CACNA2D1: variants seen among roughly 807,000 people sequenced by gnomAD.
The protein encoded by CACNA2D1 is calcium voltage-gated channel auxiliary subunit alpha2delta 1.
A neutral mutation model predicts 171.5 loss-of-function variants in CACNA2D1; 53 were observed. That is an observed-to-expected ratio of 0.31 (90% CI 0.25 to 0.39). The LOEUF is 0.39. CACNA2D1 is among the 10% of genes least tolerant of loss of function. The pLI is 1.00. For missense variants in CACNA2D1, 903 were observed against 1,299.8 expected (o/e 0.69, Z 4.69); for synonymous variants, 442 against 443.1 (o/e 1.00, Z 0.03).
chr7:82,348,687 T>C (rs1395305999), intron 2 of CACNA2D1, among the ~76,000 whole-genome samples: 4 of 152,158 alleles, frequency 2.6e-5, no homozygotes, highest in African/African-American at 9.7e-5. Flanking sequence ...AACCACACAT[T>C]CCAGTTTCTC....
At chr7:82,344,509 G>A (rs989750133) in intron 2 of CACNA2D1, among the ~76,000 whole-genome samples, 10 of 152,244 alleles carry the variant, frequency 6.6e-5, no homozygotes, top group Admixed American at 6.5e-4. Context: ...AATATTGAAA[G>A]TCACCCTAAA....
chr7:82,057,273 C>T (rs948655703), intron 10 of CACNA2D1, among the ~76,000 whole-genome samples: 3 of 152,122 alleles, frequency 2.0e-5, no homozygotes, highest in African/African-American at 7.2e-5. Context: ...CCTCCACCCC[C>T]CTGGCTTTGC....
chr7:82,104,710 T>C (rs977462591), intron 6 of CACNA2D1, among the ~76,000 whole-genome samples: 7 of 152,044 alleles, frequency 4.6e-5, no homozygotes, highest in Non-Finnish European at 8.8e-5. Flanking sequence ...CACAACATCC[T>C]TTAAAAAATA....
At chr7:82,224,767 T>C (rs761676308) in intron 3 of CACNA2D1, among the ~76,000 whole-genome samples, 2 of 152,146 alleles carry the variant, frequency 1.3e-5, no homozygotes, top group Non-Finnish European at 2.9e-5. Context: ...ACATAGCATC[T>C]GGGTCTTCCC....
Position 82,392,132 on chromosome 7 carries a change from T to G in CACNA2D1, c.96-42483A>C, listed in dbSNP as rs562540895. Among the ~76,000 whole-genome samples, 12 of 152,320 alleles carry G rather than the reference T, an allele frequency of 7.9e-5. No individual in the cohort carries two copies. In the South Asian group the frequency reaches 2.5e-3, roughly 32 times the overall value. ...ATGTGGCACACTTTCCTCTGATTGA[T>G]CCTTACCCTTCACTTAGTTTACATA... On this transcript the variant is annotated intron_variant, in intron 1 of 38. Transcript: ENST00000356860.
At chr7:82,241,651 G>C (rs138025962) in intron 3 of CACNA2D1, among the ~76,000 whole-genome samples, 5 of 151,994 alleles carry the variant, frequency 3.3e-5, no homozygotes, top group Non-Finnish European at 5.9e-5. Flanking sequence ...AGAAGCAGAG[G>C]GGGGAGGAAG....
rs761139883 is a variant in CACNA2D1, at chr7:82,032,818, G to C, written c.1122C>G (p.Asn374Lys). 1.6e-5 allele frequency: 25 copies of C among 1,551,568 alleles called. No homozygotes were observed. The highest frequency in any genetic ancestry group is 2.2e-5 in the Non-Finnish European group (25 of 1,126,428). The stretch of plus-strand genomic sequence containing the variant: ...TCACTTTTTTATCTTTATTGTATTT[G>C]TTAAATATCTCCTGGGCTCTCTCTT... The part of the protein sequence containing the change: ...GGEERAQEIF[N>K]KYNKDKKVRV... Residue 374 changes from asparagine to lysine, a missense_variant, in exon 12 of 39, where the codon AAC becomes AAG. Asn to Lys is a moderately conservative substitution (Grantham distance 94). Around this residue, in one of 5 missense-constraint regions of CACNA2D1, gnomAD observed 623 missense variants for 925.5 expected, o/e 0.67. Transcript: ENST00000356860.
At chr7:82,136,314 G>A (rs1439850876) in intron 5 of CACNA2D1, among the ~76,000 whole-genome samples, 2 of 152,086 alleles carry the variant, frequency 1.3e-5, no homozygotes, top group Non-Finnish European at 2.9e-5. Context: ...GGATACAGAA[G>A]TAGATGGGAT....
intron 1 of CACNA2D1, among the ~76,000 whole-genome samples, chr7:82,385,149 G>T (rs1426446191): frequency 6.6e-6 from 1 of 152,162 alleles, no homozygotes; most frequent in East Asian, 1.9e-4. Context: ...GGAGGAGCAC[G>T]ATTGTATGTT....
chr7:82,400,310 G>A (rs36144197), intron 1 of CACNA2D1, among the ~76,000 whole-genome samples: 6 of 150,862 alleles, frequency 4.0e-5, no homozygotes, highest in East Asian at 1.9e-4. Flanking sequence ...CCATTTTCAC[G>A]ATATTGATTC....
intron 3 of CACNA2D1, among the ~76,000 whole-genome samples, chr7:82,215,380 G>T (rs1193356171): frequency 6.6e-6 from 1 of 152,138 alleles, no homozygotes; most frequent in African/African-American, 2.4e-5. Context: ...CTCAGTCATT[G>T]GCTTTCTGTG....
Position 82,219,347 on chromosome 7 carries a change from A to T in CACNA2D1, c.295-48738T>A, listed in dbSNP as rs1038076012. On this transcript the variant is annotated intron_variant, in intron 3 of 38. Transcript: ENST00000356860. ...ATTTTCTAAACTTGGAAATAAGCATAATTGGTTCTACATAATTTTTTTTCA... is the reference window on the plus strand; with the variant it reads ...ATTTTCTAAACTTGGAAATAAGCATTATTGGTTCTACATAATTTTTTTTCA... Among the ~76,000 whole-genome samples, 8 of 152,264 alleles carry T rather than the reference A, an allele frequency of 5.3e-5. No individual in the cohort carries two copies. The South Asian group carries it at 6.2e-4, about 12-fold the overall frequency.
At chr7:82,185,565 G>C (rs1378388596) in intron 3 of CACNA2D1, among the ~76,000 whole-genome samples, 1 of 111,474 alleles carries the variant, frequency 9.0e-6, no homozygotes, top group East Asian at 3.1e-4. Flanking sequence ...AGGGGGAGGG[G>C]GAGGAGAAGA....
At chr7:82,105,976 T>A (rs1208551044) in intron 6 of CACNA2D1, among the ~76,000 whole-genome samples, 3 of 152,180 alleles carry the variant, frequency 2.0e-5, no homozygotes, top group Non-Finnish European at 4.4e-5. Flanking sequence ...AGTATTTTTT[T>A]AAAATAACAT....
At chr7:82,301,730 TAC>T (rs4018910) in intron 3 of CACNA2D1, among the ~76,000 whole-genome samples, 25,296 of 141,964 alleles carry the variant, frequency 0.18, 2,120 homozygotes, top group Middle Eastern at 0.22. Flanking sequence ...TGGTAAATAA[TAC>T]ACACACACAC....
Position 82,402,363 on chromosome 7 carries a change from T to C in CACNA2D1, c.95+41002A>G, listed in dbSNP as rs148567390. 7.7e-3 allele frequency among the ~76,000 whole-genome samples: 1,169 copies of C among 152,266 alleles called. 18 individuals are homozygous for C. The highest frequency in any genetic ancestry group is 0.024 in the African/African-American group (996 of 41,546). On this transcript the variant is annotated intron_variant, in intron 1 of 38. Coordinates refer to ENST00000356860, the MANE Select transcript of CACNA2D1 (RefSeq NM_000722.4). ...TCTGTGGGCTTATTAATATTATTCC[T>C]ATTTTTAAAATAAGAGCAAGACCAG...
At chr7:82,153,196 ATAAC>A (rs1246584207) in intron 4 of CACNA2D1, among the ~76,000 whole-genome samples, 4 of 151,642 alleles carry the variant, frequency 2.6e-5, no homozygotes, top group African/African-American at 9.7e-5. Context: ...TGATCCTTAA[ATAAC>A]TGTTTTCCTT....
At chr7:82,011,982 G>A (rs901117606) in intron 15 of CACNA2D1, 172 bp downstream of exon 15, 13 of 623,574 alleles carry the variant, frequency 2.1e-5, no homozygotes, top group Admixed American at 2.5e-5. Flanking sequence ...TACTACATAC[G>A]AGTCTATGTT....
In CACNA2D1 at chr7:82,084,867, C is replaced by T. The variant is rs955984125; in HGVS notation, c.560G>A (p.Ser187Asn). The T allele has an allele frequency of 1.2e-5, 19 of 1,613,664 alleles. No individual in the cohort carries two copies. The highest frequency in any genetic ancestry group is 5.0e-5 in the Admixed American group (3 of 59,994). Residue 187 changes from serine (S) to asparagine (N), a missense_variant, in exon 7 of 39, where the codon AGT (serine) becomes AAT (asparagine). Ser to Asn is a conservative substitution (Grantham distance 46, BLOSUM62 1). Transcript: ENST00000356860. ...TIVLNELNWT[S>N]ALDEVFKKNR... Reference sequence around the variant, plus strand: ...CTTTTTGAAAACTTCATCTAAGGCACTTGTCCAGTTGAGTTCATTTAACAC... The same window carrying T: ...CTTTTTGAAAACTTCATCTAAGGCATTTGTCCAGTTGAGTTCATTTAACAC...
Sources: gnomAD v4.1 joint callset for allele counts (sites outside exome capture counted in the v4.1 genomes callset) on GRCh38, gnomAD v4.1.1 for gene constraint, gnomAD v4.1.1 regional missense constraint, MANE v1.5 for transcripts, NCBI Gene and HGNC (gene_info 2026-07-23, HGNC 2026-07-21) for gene names.